AKAP6: variants seen among roughly 807,000 people sequenced by gnomAD.
AKAP6 encodes A-kinase anchoring protein 6.
AKAP6 carries 58 observed loss-of-function variants against 188.5 expected under a neutral mutation model. That is an observed-to-expected ratio of 0.31 (90% CI 0.25 to 0.38). The LOEUF is 0.38. AKAP6 is among the 10% of genes least tolerant of loss of function. The probability of loss-of-function intolerance (pLI) is 1.00; values close to 1 mark genes in which losing one functional copy is unlikely to be tolerated. For missense variants in AKAP6, 2,710 were observed against 2,740.0 expected (o/e 0.99, Z 0.24); for synonymous variants, 989 against 998.6 (o/e 0.99, Z 0.18).
chr14:32,354,445 A>G, intron 1 of AKAP6, among the ~76,000 whole-genome samples: 1 of 152,192 alleles, frequency 6.6e-6, no homozygotes, highest in East Asian at 1.9e-4. Flanking sequence ...TGGCAGTACT[A>G]AAAGATAATG....
At chr14:32,450,691 C>T (rs547334570) in intron 2 of AKAP6, among the ~76,000 whole-genome samples, 1 of 152,182 alleles carries the variant, frequency 6.6e-6, no homozygotes, top group South Asian at 2.1e-4. Flanking sequence ...GTAAGAGTAA[C>T]AGATTTGGAT....
chr14:32,525,114 T>C (rs1882054301), intron 2 of AKAP6, among the ~76,000 whole-genome samples: 1 of 152,208 alleles, frequency 6.6e-6, no homozygotes. Flanking sequence ...ATGATTTTTT[T>C]AGTGAATGAA....
intron 7 of AKAP6, among the ~76,000 whole-genome samples, chr14:32,653,157 G>A (rs1888304147): frequency 6.6e-6 from 1 of 152,116 alleles, no homozygotes; most frequent in Non-Finnish European, 1.5e-5. Context: ...CAATTAGTTG[G>A]CATATATGTT....
chr14:32,815,173 T>C (rs2140127125), intron 12 of AKAP6, among the ~76,000 whole-genome samples: 1 of 152,338 alleles, frequency 6.6e-6, no homozygotes, highest in South Asian at 2.1e-4. Flanking sequence ...AGGAAATGTG[T>C]CCGTGTCAGT....
At chr14:32,381,660 AAG>A (rs1335125781) in intron 1 of AKAP6, among the ~76,000 whole-genome samples, 1 of 152,124 alleles carries the variant, frequency 6.6e-6, no homozygotes, top group Non-Finnish European at 1.5e-5. Context: ...GAATGGGAGG[AAG>A]AGAAGAGGAG....
At chr14:32,753,304 T>C (rs1566687677) in intron 11 of AKAP6, among the ~76,000 whole-genome samples, 1 of 152,166 alleles carries the variant, frequency 6.6e-6, no homozygotes, top group Admixed American at 6.5e-5. Context: ...ATTAGTGATG[T>C]TGAGCATTTT....
chr14:32,535,720 G>A lies in AKAP6; in HGVS notation c.491G>A (p.Arg164His), dbSNP rs371976640. ...GTCTCAGTGCTGGTTCTGCGGGAGCGCATTCTGCAAGGTCTGCAGGACGCC... is the reference window on the plus strand; with the variant it reads ...GTCTCAGTGCTGGTTCTGCGGGAGCACATTCTGCAAGGTCTGCAGGACGCC... ...LRVSVLVLRE[R>H]ILQGLQDANG... Residue 164 changes from arginine to histidine, a missense_variant, in exon 3 of 14, where the codon CGC (arginine) becomes CAC (histidine). Transcript: ENST00000280979. 1.9e-6 allele frequency: 3 copies of A among 1,614,210 alleles called. No homozygotes were observed. Among genetic ancestry groups the A allele is most frequent in the East Asian group, 2.2e-5 (1 of 44,876 alleles).
At chr14:32,492,353 T>G (rs867440356) in intron 2 of AKAP6, among the ~76,000 whole-genome samples, 929 of 52,226 alleles carry the variant, frequency 0.018, 18 homozygotes, top group East Asian at 0.033. Context: ...TATATATATA[T>G]ATAGAGAGAG....
At chr14:32,787,096 T>A (rs562809138) in intron 12 of AKAP6, among the ~76,000 whole-genome samples, 1 of 152,328 alleles carries the variant, frequency 6.6e-6, no homozygotes, top group Non-Finnish European at 1.5e-5. Flanking sequence ...TGCATCAATG[T>A]CCATGCATCA....
intron 11 of AKAP6, among the ~76,000 whole-genome samples, chr14:32,756,734 C>G (rs2032348117): frequency 6.6e-6 from 1 of 152,092 alleles, no homozygotes; most frequent in Admixed American, 6.5e-5. Context: ...AGGCTGGTTC[C>G]CCAGTAGCTG....
intron 9 of AKAP6, chr14:32,726,252 A>T: frequency 1.0e-6 from 1 of 953,726 alleles, no homozygotes; most frequent in Non-Finnish European, 1.2e-6. Flanking sequence ...ATAATATTTG[A>T]GTGATTCTTC....
At chr14:32,601,830 A>G (rs925757318) in intron 7 of AKAP6, among the ~76,000 whole-genome samples, 1 of 152,204 alleles carries the variant, frequency 6.6e-6, no homozygotes, top group Non-Finnish European at 1.5e-5. Context: ...GGCAGAGGAG[A>G]AACCCATCCA....
chr14:32,523,246 G>T (rs1021691551), intron 2 of AKAP6, among the ~76,000 whole-genome samples: 1 of 152,080 alleles, frequency 6.6e-6, no homozygotes, highest in Non-Finnish European at 1.5e-5. Context: ...GTTAATGGGT[G>T]CAGCACACCA....
chr14:32,600,900 A>G, intron 7 of AKAP6, 108 bp downstream of exon 7: 1 of 1,031,598 alleles, frequency 9.7e-7, no homozygotes, highest in Non-Finnish European at 1.4e-6. Context: ...TCTACTGGGT[A>G]AACTTTATAT....
intron 1 of AKAP6, among the ~76,000 whole-genome samples, chr14:32,345,721 G>A (rs1055505300): frequency 6.6e-6 from 1 of 152,176 alleles, no homozygotes; most frequent in African/African-American, 2.4e-5. Context: ...GCCATTCCCT[G>A]GACTCTGGCC....
At chr14:32,522,730 A>C in intron 2 of AKAP6, among the ~76,000 whole-genome samples, 1 of 152,232 alleles carries the variant, frequency 6.6e-6, no homozygotes, top group South Asian at 2.1e-4. Flanking sequence ...GAACATTTTT[A>C]TACTGTTGGT....
At chr14:32,357,764 C>T (rs1887529715) in intron 1 of AKAP6, among the ~76,000 whole-genome samples, 1 of 152,182 alleles carries the variant, frequency 6.6e-6, no homozygotes, top group South Asian at 2.1e-4. Flanking sequence ...CTTTCAACTG[C>T]CATCTTCTGG....
chr14:32,361,032 A>G (rs1887642667), intron 1 of AKAP6, among the ~76,000 whole-genome samples: 1 of 149,960 alleles, frequency 6.7e-6, no homozygotes. Flanking sequence ...TATAGGTGTG[A>G]GCCACTGCAC....
rs986777536 is a variant in AKAP6 at position 32,830,992 on chromosome 14, T to C, written c.*1187T>C. 2 of 152,172 alleles carry C rather than the reference T, an allele frequency of 1.3e-5. No individual in the cohort carries two copies. Among genetic ancestry groups the C allele is most frequent in the African/African-American group, 4.8e-5 (2 of 41,442 alleles). The allele number at this position is 152,172 out of a possible 1,614,324, so 9.4% of individuals were successfully genotyped here. On this transcript the variant is annotated 3_prime_UTR_variant, in exon 14 of 14. Transcript: ENST00000280979. The stretch of plus-strand genomic sequence containing the variant: ...AAAATCTTTCTGGTCACTATAAAGA[T>C]CTTGGAACAGCAAATGATTAAATGT...
Sources: allele counts gnomAD v4.1 joint callset (sites outside exome capture counted in the v4.1 genomes callset), GRCh38; gene constraint gnomAD v4.1.1; transcripts MANE v1.5; gene names NCBI Gene and HGNC (gene_info 2026-07-23, HGNC 2026-07-21).